NEURL1: variants seen among roughly 807,000 people sequenced by gnomAD.
The protein encoded by NEURL1 is neuralized E3 ubiquitin protein ligase 1, also known as E3 ubiquitin-protein ligase NEURL1.
Under a neutral mutation model 41.2 loss-of-function variants are expected in NEURL1, and 26 were observed. The ratio of observed to expected loss-of-function variants is 0.63; its 90% CI spans 0.46 to 0.87. The LOEUF is 0.87. Among genes scored for constraint, NEURL1 ranks in the 40% least tolerant of loss-of-function variants. The pLI, the probability that NEURL1 is intolerant of heterozygous loss-of-function variation, is 0.00. For missense variants in NEURL1, 761 were observed against 871.1 expected (o/e 0.87, Z 1.59); for synonymous variants, 400 against 402.3 (o/e 0.99, Z 0.07).
At chr10:103,552,725 A>G (rs1163715995) in intron 1 of NEURL1, among the ~76,000 whole-genome samples, 1 of 152,216 alleles carries the variant, frequency 6.6e-6, no homozygotes, top group African/African-American at 2.4e-5. Flanking sequence ...TAGGGGATCA[A>G]TAAATGTGGG....
intron 1 of NEURL1, among the ~76,000 whole-genome samples, chr10:103,498,504 G>T (rs1424241485): frequency 6.6e-6 from 1 of 152,226 alleles, no homozygotes; most frequent in Non-Finnish European, 1.5e-5. Context: ...GGGATTACAG[G>T]TGTGAGCCAC....
chr10:103,589,395 C>T, intron 4 of NEURL1, 119 bp from the exon 5 acceptor site: 1 of 1,155,610 alleles, frequency 8.7e-7, no homozygotes, highest in African/African-American at 1.6e-5. Context: ...AAATCCCGCT[C>T]TTGGCCCTGT....
chr10:103,548,146 A>G (rs1214599661), intron 1 of NEURL1, among the ~76,000 whole-genome samples: 1 of 152,166 alleles, frequency 6.6e-6, no homozygotes, highest in African/African-American at 2.4e-5. Context: ...GGACTGTTTA[A>G]TCTACTTCCT....
chr10:103,549,458 C>T (rs1482431645), intron 1 of NEURL1, among the ~76,000 whole-genome samples: 1 of 152,234 alleles, frequency 6.6e-6, no homozygotes, highest in Non-Finnish European at 1.5e-5. Context: ...CTCTTCCAGA[C>T]TCGAGGCAGC....
Position 103,584,913 on chromosome 10 carries a change from A to G in NEURL1, c.1027A>G (p.Thr343Ala). Residue 343 changes from threonine (T) to alanine (A), a missense_variant, in exon 4 of 6, where the codon ACG becomes GCG. Physicochemically the swap from Thr to Ala is moderately conservative, Grantham distance 58. Transcript: ENST00000369780. ...RVAETIFVKV[T>A]RSGGARPGAL... The stretch of plus-strand genomic sequence containing the variant: ...GGCCGAGACCATCTTCGTCAAGGTC[A>G]CGCGCTCGGGTGGCGCGCGGCCCGG... 6.8e-7 allele frequency: 1 copy of G among 1,472,240 alleles called. No homozygotes were observed. The highest frequency in any genetic ancestry group is 2.9e-5 in the East Asian group (1 of 34,966). The allele number at this position is 1,472,240 out of a possible 1,614,324, so 91.2% of individuals were successfully genotyped here. A position where few individuals can be genotyped will look rare whatever the true frequency, so the allele number is the denominator to read the frequency against.
chr10:103,543,603 T>TA (rs1393730926), intron 1 of NEURL1, among the ~76,000 whole-genome samples: 1 of 152,230 alleles, frequency 6.6e-6, no homozygotes, highest in Non-Finnish European at 1.5e-5. Context: ...GATAAAAAGA[T>TA]ACCTTTCTAC....
intron 3 of NEURL1, among the ~76,000 whole-genome samples, chr10:103,578,913 C>T (rs1310584556): frequency 6.6e-6 from 1 of 152,330 alleles, no homozygotes. Context: ...GGGCTGGCAG[C>T]GCCTCCCAAA....
Position 103,571,114 on chromosome 10 carries a change from G to A in NEURL1, c.327+1G>A, listed in dbSNP as rs1241287778. On this transcript the variant is annotated splice_donor_variant, in intron 2 of 5. Coordinates refer to ENST00000369780, the MANE Select transcript of NEURL1 (RefSeq NM_004210.5). LOFTEE classifies it high-confidence loss of function. ...CATCTACGAGCAAGTCAGGCTGAAG[G>A]TGGGCCTGCCCCCTGCCCCCGCCCC... is the stretch of plus-strand genomic sequence containing the variant. The A allele has an allele frequency of 1.9e-6, 3 of 1,612,472 alleles. No homozygotes were observed. Among genetic ancestry groups the A allele is most frequent in the Non-Finnish European group, 2.5e-6 (3 of 1,179,720 alleles).
At chr10:103,521,242 G>A (rs753614082) in intron 1 of NEURL1, among the ~76,000 whole-genome samples, 35 of 152,104 alleles carry the variant, frequency 2.3e-4, no homozygotes, top group East Asian at 1.9e-4. Flanking sequence ...ATAAAGGGCC[G>A]GTCCGTTATT....
intron 1 of NEURL1, among the ~76,000 whole-genome samples, chr10:103,515,916 C>T (rs143250027): frequency 1.1e-4 from 17 of 152,148 alleles, no homozygotes; most frequent in South Asian, 8.3e-4. Flanking sequence ...GGAAGGAACA[C>T]GTTTGAAACA....
At chr10:103,590,057 C>A in intron 5 of NEURL1, 77 bp from the exon 6 acceptor site, 1 of 1,371,164 alleles carries the variant, frequency 7.3e-7, no homozygotes, top group Non-Finnish European at 1.0e-6. Context: ...ACACAAGAGG[C>A]CGGGGAGCTC....
intron 1 of NEURL1, among the ~76,000 whole-genome samples, chr10:103,511,216 T>G (rs967643822): frequency 1.3e-5 from 2 of 152,144 alleles, no homozygotes; most frequent in South Asian, 4.1e-4. Flanking sequence ...CTCAGGCACT[T>G]GAGAAGAGGG....
chr10:103,574,952 T>C (rs2035627661), intron 3 of NEURL1, among the ~76,000 whole-genome samples: 1 of 151,876 alleles, frequency 6.6e-6, no homozygotes, highest in East Asian at 1.9e-4. Flanking sequence ...TAAATTCAAT[T>C]GGCAGATTGA....
intron 1 of NEURL1, among the ~76,000 whole-genome samples, chr10:103,522,281 GT>G (rs923011993): frequency 6.0e-5 from 9 of 150,676 alleles, no homozygotes; most frequent in Non-Finnish European, 1.0e-4. Flanking sequence ...ATTTTGATGC[GT>G]TTTTTTTTCT....
At chr10:103,533,571 C>G (rs958525391) in intron 1 of NEURL1, among the ~76,000 whole-genome samples, 1 of 150,146 alleles carries the variant, frequency 6.7e-6, no homozygotes, top group Admixed American at 6.6e-5. Context: ...GAGTCTCACT[C>G]TGTCGCCCAG....
Position 103,566,731 on chromosome 10 carries a change from A to G in NEURL1, c.86-4141A>G, listed in dbSNP as rs559314092. Among the ~76,000 whole-genome samples, 1 of 152,254 alleles carries G rather than the reference A, an allele frequency of 6.6e-6. No individual in the cohort carries two copies. The highest frequency in any genetic ancestry group is 1.9e-4 in the East Asian group (1 of 5,180). ...ATGCCTGGAAGTGTGATGCTGGGAC[A>G]TATGTTAGGCATTTTTCACTTCATG... On this transcript the variant is annotated intron_variant, in intron 1 of 5. Coordinates refer to ENST00000369780, the MANE Select transcript of NEURL1 (RefSeq NM_004210.5). The surrounding 1 kb of genome is among the most constrained non-coding windows in gnomAD (Gnocchi z 4.2).
At chr10:103,503,815 G>T (rs1474799207) in intron 1 of NEURL1, among the ~76,000 whole-genome samples, 1 of 108,744 alleles carries the variant, frequency 9.2e-6, no homozygotes, top group East Asian at 3.4e-4. Context: ...TTTTGAGACA[G>T]GGTCTTGTTC....
chr10:103,498,676 C>T (rs931282417), intron 1 of NEURL1, among the ~76,000 whole-genome samples: 1 of 152,182 alleles, frequency 6.6e-6, no homozygotes, highest in African/African-American at 2.4e-5. Flanking sequence ...AAATGCCATG[C>T]CCATTAAGCA....
At chr10:103,571,260 C>T (rs971355008) in intron 2 of NEURL1, 147 bp downstream of exon 2, 3 of 912,522 alleles carry the variant, frequency 3.3e-6, no homozygotes, top group African/African-American at 1.7e-5. Context: ...TCTGGTGACC[C>T]TCTTCCCTCT....
Sources: allele counts gnomAD v4.1 joint callset (sites outside exome capture counted in the v4.1 genomes callset), GRCh38; gene constraint gnomAD v4.1.1; non-coding constraint Gnocchi (gnomAD v3.1); transcripts MANE v1.5; gene names NCBI Gene and HGNC (gene_info 2026-07-23, HGNC 2026-07-21).